Variants in RBPJ observed in about 807,000 individuals in gnomAD.
The protein encoded by RBPJ is recombination signal binding protein for immunoglobulin kappa J region, also known as recombining binding protein suppressor of hairless.
In RBPJ, 9 loss-of-function variants were observed where a neutral mutation model predicts 67.8. That is an observed-to-expected ratio of 0.13 (90% confidence interval 0.08 to 0.23). The LOEUF is 0.23. RBPJ is among the 10% of genes least tolerant of loss of function. The pLI is 1.00. For synonymous variants in RBPJ, 198 were observed against 203.3 expected, an observed-to-expected ratio of 0.97 and a Z score of 0.22; for missense variants, 305 against 595.6, an observed-to-expected ratio of 0.51 and a Z score of 5.08.
At chr4:26,330,099 G>A (rs1484279507) in intron 1 of RBPJ, among the ~76,000 whole-genome samples, 1 of 152,170 alleles carries the variant, frequency 6.6e-6, no homozygotes, top group Non-Finnish European at 1.5e-5. Context: ...TCTGAGTAAG[G>A]TGAACAGATA....
At chr4:26,145,023 T>C in the RBPJ span, among the ~76,000 whole-genome samples, 1 of 146,018 alleles carries the variant, frequency 6.8e-6, no homozygotes, top group Non-Finnish European at 1.5e-5. Context: ...TGCCTTCTTC[T>C]TCTTCTTTTT....
chr4:26,256,047 AC>A (rs1386635985), intron 1 of RBPJ, among the ~76,000 whole-genome samples: 4 of 151,744 alleles, frequency 2.6e-5, no homozygotes, highest in African/African-American at 9.7e-5. Context: ...TCCCTTTCTC[AC>A]TTAGCAGCTC....
chr4:26,387,363 C>T (rs981138189), intron 2 of RBPJ, among the ~76,000 whole-genome samples: 1 of 151,914 alleles, frequency 6.6e-6, no homozygotes, highest in Admixed American at 6.6e-5. Flanking sequence ...AAAACAACAG[C>T]TTTGAAGTCT....
At position 26,266,366 on chromosome 4, in the gene RBPJ, A is replaced by C. The variant is rs867597925; in HGVS notation, c.-166-96080A>C. Among the ~76,000 whole-genome samples, 4 of 152,364 alleles carry C rather than the reference A, an allele frequency of 2.6e-5. No homozygotes were observed. In the South Asian group the frequency reaches 6.2e-4, roughly 24 times the overall value. On this transcript the variant is annotated intron_variant, in intron 1 of 4. Coordinates refer to the RBPJ transcript ENST00000512351. ...TCTTCATAAGGAAATGAAGACCTGA[A>C]GAAATGGTTAAACTTGTGTATTTAT...
At chr4:26,271,729 CTTTA>C (rs1720923380) in intron 1 of RBPJ, among the ~76,000 whole-genome samples, 1 of 152,108 alleles carries the variant, frequency 6.6e-6, no homozygotes, top group East Asian at 1.9e-4. Context: ...TCCTGAATTC[CTTTA>C]TCTTCATCTA....
chr4:26,239,737 AGG>A (rs1201717360), intron 1 of RBPJ, among the ~76,000 whole-genome samples: 2 of 134,592 alleles, frequency 1.5e-5, no homozygotes, highest in South Asian at 5.4e-4. Flanking sequence ...AGGGGAGGGG[AGG>A]GGAGGGGAGA....
At chr4:26,305,096 G>T (rs549859148) in intron 1 of RBPJ, among the ~76,000 whole-genome samples, 205 of 152,246 alleles carry the variant, frequency 1.3e-3, no homozygotes, top group African/African-American at 4.8e-3. Context: ...TGCAAAGACT[G>T]TTCCTTTTCC....
intron 1 of RBPJ, among the ~76,000 whole-genome samples, chr4:26,233,078 C>T (rs1456033374): frequency 6.6e-6 from 1 of 152,198 alleles, no homozygotes; most frequent in Non-Finnish European, 1.5e-5. Context: ...GTATGCACTG[C>T]AGAAACAGTA....
At chr4:26,279,268 A>G (rs967176344) in intron 1 of RBPJ, among the ~76,000 whole-genome samples, 6 of 151,766 alleles carry the variant, frequency 4.0e-5, no homozygotes, top group African/African-American at 1.5e-4. Flanking sequence ...GTTTTGCTGC[A>G]CTGGCTGCTG....
intron 1 of RBPJ, among the ~76,000 whole-genome samples, chr4:26,309,161 C>G (rs145021463): frequency 3.0e-4 from 45 of 151,906 alleles, no homozygotes; most frequent in Middle Eastern, 3.4e-3. Context: ...GGACTACAGG[C>G]ACATGCCACT....
chr4:26,413,492 TTTTG>T (rs1438050797), intron 3 of RBPJ, among the ~76,000 whole-genome samples: 1 of 152,242 alleles, frequency 6.6e-6, no homozygotes, highest in Non-Finnish European at 1.5e-5. Flanking sequence ...TGTCTAATTT[TTTTG>T]TTTATTTTTA....
At chr4:26,170,021 G>A (rs903959508) in intron 1 of RBPJ, among the ~76,000 whole-genome samples, 5 of 152,074 alleles carry the variant, frequency 3.3e-5, no homozygotes, top group East Asian at 1.9e-4. Flanking sequence ...GACCCCTTGC[G>A]CTTCCCAAGT....
At chr4:26,186,979 G>A (rs1013422193) in intron 1 of RBPJ, among the ~76,000 whole-genome samples, 22 of 152,074 alleles carry the variant, frequency 1.4e-4, no homozygotes, top group African/African-American at 5.1e-4. Flanking sequence ...TCAGCATTTG[G>A]GGAGGCTGAG....
chr4:26,365,818 T>C (rs891271988), intron 1 of RBPJ, among the ~76,000 whole-genome samples: 1 of 152,188 alleles, frequency 6.6e-6, no homozygotes, highest in African/African-American at 2.4e-5. Flanking sequence ...GTAAAGGTTG[T>C]TAGAGAGTAT....
At chr4:26,139,767 T>C in the RBPJ span, among the ~76,000 whole-genome samples, 1 of 152,174 alleles carries the variant, frequency 6.6e-6, no homozygotes, top group Non-Finnish European at 1.5e-5. Context: ...GAGATGAGCG[T>C]CTTTGCCTGT....
In RBPJ at chr4:26,381,024, G is replaced by GTT. The variant is rs372548443; in HGVS notation, c.21-5318_21-5317dup. 4.3e-4 allele frequency among the ~76,000 whole-genome samples: 54 copies of GTT among 127,004 alleles called. 1 individual carries two copies. The highest frequency in any genetic ancestry group is 1.5e-3 in the African/African-American group (53 of 34,658). The allele number at this position is 127,004 out of a possible 152,430, so 83.3% of individuals were successfully genotyped here. On this transcript the variant is annotated intron_variant, in intron 1 of 10. Coordinates refer to ENST00000355476, the MANE Select transcript of RBPJ (RefSeq NM_015874.6). ...AGATAGATTAGATTTTTGCTTTTTG[G>GTT]TTTTTTTTTTTTGGTAGCAGTGTAA...
In RBPJ at chr4:26,289,606, G is replaced by A. The variant is rs768952129; in HGVS notation, c.-166-72840G>A. On this transcript the variant is annotated intron_variant, in intron 1 of 4. Transcript: ENST00000512351. ...CTAAATTCAAGAAGGACTTTATCAC[G>A]TGGAGTTGTGTAGAGTTAATACCGC... Among the ~76,000 whole-genome samples the A allele has an allele frequency of 4.7e-5, 7 of 150,440 alleles. 1 individual carries two copies. Among genetic ancestry groups the A allele is most frequent in the East Asian group, 4.0e-4 (2 of 5,058 alleles).
intron 1 of RBPJ, among the ~76,000 whole-genome samples, chr4:26,366,306 ATC>A (rs754913724): frequency 1.3e-5 from 2 of 151,658 alleles, no homozygotes; most frequent in Non-Finnish European, 2.9e-5. Context: ...TGTTTTGTTT[ATC>A]TCTGATGGTA....
intron 3 of RBPJ, among the ~76,000 whole-genome samples, chr4:26,413,937 G>A (rs1379233274): frequency 6.6e-6 from 1 of 152,162 alleles, no homozygotes; most frequent in Non-Finnish European, 1.5e-5. Flanking sequence ...TTGGAGGACG[G>A]GACCAACACT....
Sources: gnomAD v4.1 joint callset for allele counts (sites outside exome capture counted in the v4.1 genomes callset) on GRCh38, gnomAD v4.1.1 for gene constraint, MANE v1.5 for transcripts, NCBI Gene and HGNC (gene_info 2026-07-23, HGNC 2026-07-21) for gene names.